The following SEC24B variants were observed in gnomAD, a reference collection of about 807,000 sequenced individuals.
The protein encoded by SEC24B is protein transport protein Sec24B.
Under a neutral mutation model 142.8 loss-of-function variants are expected in SEC24B, and 45 were observed. The observed-to-expected ratio is 0.32, with a 90% CI of 0.25 to 0.40. SEC24B has a LOEUF of 0.40. Among genes scored for constraint, SEC24B ranks in the 10% least tolerant of loss-of-function variants. The pLI, the probability that SEC24B is intolerant of heterozygous loss-of-function variation, is 1.00. For synonymous variants in SEC24B, 574 were observed against 568.2 expected (o/e 1.01, Z -0.15); for missense variants, 1,409 against 1,526.8 (o/e 0.92, Z 1.29).
chr4:109,495,428 A>G (rs1003864871), intron 6 of SEC24B, among the ~76,000 whole-genome samples: 9 of 152,212 alleles, frequency 5.9e-5, no homozygotes, highest in Admixed American at 2.6e-4. Flanking sequence ...TTTAGGATGC[A>G]GACACACACG....
chr4:109,519,753 A>T (rs1272563927), intron 11 of SEC24B, among the ~76,000 whole-genome samples: 1 of 152,228 alleles, frequency 6.6e-6, no homozygotes, highest in Non-Finnish European at 1.5e-5. Context: ...AGTCATCCAT[A>T]GCAGTGATAA....
At chr4:109,445,826 C>T (rs896644794) in intron 1 of SEC24B, among the ~76,000 whole-genome samples, 1 of 152,058 alleles carries the variant, frequency 6.6e-6, no homozygotes, top group Non-Finnish European at 1.5e-5. Context: ...CCTGCCTCAG[C>T]CTCCCAAAGT....
At chr4:109,505,390 T>C (rs1286942813) in intron 6 of SEC24B, among the ~76,000 whole-genome samples, 2 of 152,098 alleles carry the variant, frequency 1.3e-5, no homozygotes, top group East Asian at 3.8e-4. Context: ...TTGGTGGTGT[T>C]ATAAATGTAT....
At chr4:109,445,859 A>T (rs1023716749) in intron 1 of SEC24B, among the ~76,000 whole-genome samples, 9 of 152,092 alleles carry the variant, frequency 5.9e-5, no homozygotes, top group African/African-American at 1.4e-4. Flanking sequence ...GGTGTGAGCC[A>T]CCGCACCCAG....
At chr4:109,457,279 G>C (rs1023456712) in intron 1 of SEC24B, among the ~76,000 whole-genome samples, 3 of 152,196 alleles carry the variant, frequency 2.0e-5, no homozygotes, top group African/African-American at 4.8e-5. Flanking sequence ...ATGAAGTCTA[G>C]AAGTCTGAAA....
At chr4:109,483,705 G>A (rs1414567059) in intron 4 of SEC24B, among the ~76,000 whole-genome samples, 2 of 152,038 alleles carry the variant, frequency 1.3e-5, no homozygotes, top group East Asian at 1.9e-4. Context: ...CATTATATGC[G>A]ACTCGGGATA....
intron 1 of SEC24B, among the ~76,000 whole-genome samples, chr4:109,451,914 C>G (rs1730133457): frequency 6.6e-6 from 1 of 152,030 alleles, no homozygotes; most frequent in Non-Finnish European, 1.5e-5. Flanking sequence ...TGTATTCTAG[C>G]CTAGGTTTTC....
Position 109,463,634 on chromosome 4 carries a change from A to C in SEC24B, c.867A>C (p.Pro289=), listed in dbSNP as rs33911248. ...TGSLAVANNN[P]TITVADSLSC... ...CCCTGGCTGTAGCGAACAACAACCC[A>C]ACCATTACTGGTAGGTTGAATGAAA... Residue 289 remains proline, a synonymous_variant, in exon 2 of 24, where the codon CCA becomes CCC. Coordinates refer to ENST00000265175, the MANE Select transcript of SEC24B (RefSeq NM_006323.5). 10 of 1,611,878 alleles carry C rather than the reference A, an allele frequency of 6.2e-6. No individual in the cohort carries two copies. Among genetic ancestry groups the C allele is most frequent in the Non-Finnish European group, 8.5e-6 (10 of 1,178,428 alleles).
chr4:109,434,910 G>A (rs1728258732), intron 1 of SEC24B, among the ~76,000 whole-genome samples: 1 of 152,220 alleles, frequency 6.6e-6, no homozygotes, highest in African/African-American at 2.4e-5. Flanking sequence ...CCCTAATGCT[G>A]AGATTTGGAA....
At chr4:109,512,196 AT>A in intron 9 of SEC24B, 113 bp downstream of exon 9, 1 of 978,142 alleles carries the variant, frequency 1.0e-6, no homozygotes, top group Non-Finnish European at 1.5e-6. Context: ...TTTTCATGCC[AT>A]TTTTAGTAGA....
chr4:109,524,666 T>G, intron 14 of SEC24B, 152 bp from the exon 15 acceptor site: 1 of 537,500 alleles, frequency 1.9e-6, no homozygotes, highest in Non-Finnish European at 3.1e-6. Flanking sequence ...TCTATCATTA[T>G]TATTATCATA....
chr4:109,510,654 C>T (rs867797042), intron 8 of SEC24B, among the ~76,000 whole-genome samples: 5 of 152,260 alleles, frequency 3.3e-5, no homozygotes, highest in Middle Eastern at 3.4e-3. Context: ...ACAAATTAAA[C>T]AAATTTGTTA....
chr4:109,534,389 A>G (rs1474554470), intron 22 of SEC24B, among the ~76,000 whole-genome samples: 1 of 152,082 alleles, frequency 6.6e-6, no homozygotes, highest in African/African-American at 2.4e-5. Flanking sequence ...GATTGAGACC[A>G]TCCTGGTGAA....
rs1303624829 is a variant in SEC24B, at chr4:109,521,771, G to C, written c.2508+145G>C. On this transcript the variant is annotated intron_variant, in intron 14 of 23. Transcript: ENST00000265175. Reference sequence around the variant, plus strand: ...TTTTGAGACGTGGTCTCACACTGTTGCCCAGGCTGGAGCGCAGTGGCGCGA... The same window carrying C: ...TTTTGAGACGTGGTCTCACACTGTTCCCCAGGCTGGAGCGCAGTGGCGCGA... The C allele has an allele frequency of 1.7e-4, 115 of 669,150 alleles. 1 individual carries two copies. In the East Asian group the frequency reaches 3.2e-3, roughly 19 times the overall value. 41.5% of individuals were successfully genotyped at this position (669,150 alleles called of 1,614,324 possible).
At chr4:109,480,533 G>A (rs1733632383) in intron 3 of SEC24B, among the ~76,000 whole-genome samples, 1 of 151,978 alleles carries the variant, frequency 6.6e-6, no homozygotes, top group African/African-American at 2.4e-5. Flanking sequence ...CCAGGCTGGA[G>A]TGCAATGGCA....
chr4:109,504,772 A>G (rs540404997), intron 6 of SEC24B, among the ~76,000 whole-genome samples: 1 of 152,212 alleles, frequency 6.6e-6, no homozygotes, highest in African/African-American at 2.4e-5. Flanking sequence ...GTTGATATCT[A>G]TTGGTCTTCC....
chr4:109,512,118 ATTTTCAGGT>A (rs1737408416), intron 9 of SEC24B, 35 bp downstream of exon 9: 4 of 1,528,786 alleles, frequency 2.6e-6, no homozygotes, highest in Admixed American at 4.4e-5. Flanking sequence ...TTTTAATCCT[ATTTTCAGGT>A]TTTTTTTTTT....
Position 109,457,040 on chromosome 4 carries a change from A to G in SEC24B, c.134-5861A>G, listed in dbSNP as rs553913080. The stretch of plus-strand genomic sequence containing the variant: ...TTGCAGCCATCATTGCTTTTGTATC[A>G]TTAGTATAATTGTCAACACAGTGAA... On this transcript the variant is annotated intron_variant, in intron 1 of 23. Transcript: ENST00000265175. 7.9e-5 allele frequency among the ~76,000 whole-genome samples: 12 copies of G among 152,310 alleles called. 1 individual carries two copies. Among genetic ancestry groups the G allele is most frequent in the African/African-American group, 2.6e-4 (11 of 41,576 alleles).
chr4:109,540,367 A>G lies in SEC24B; in HGVS notation c.*692A>G, dbSNP rs17040515. The stretch of plus-strand genomic sequence containing the variant: ...ATGCATATTATGAATTGAGTCCACA[A>G]AGGAACACAAAACTCTTTGTAATTC... On this transcript the variant is annotated 3_prime_UTR_variant, in exon 24 of 24. Coordinates refer to ENST00000265175, the MANE Select transcript of SEC24B (RefSeq NM_006323.5). The G allele has an allele frequency of 6.6e-6, 1 of 152,666 alleles. No individual in the cohort carries two copies. The highest frequency in any genetic ancestry group is 1.5e-5 in the Non-Finnish European group (1 of 68,054). 9.5% of individuals were successfully genotyped at this position (152,666 alleles called of 1,614,324 possible). A position where few individuals can be genotyped will look rare whatever the true frequency, so the allele number is the denominator to read the frequency against.
Sources: gnomAD v4.1 joint callset for allele counts (sites outside exome capture counted in the v4.1 genomes callset) on GRCh38, gnomAD v4.1.1 for gene constraint, MANE v1.5 for transcripts, NCBI Gene and HGNC (gene_info 2026-07-23, HGNC 2026-07-21) for gene names.